SLC22A23: variants seen among roughly 807,000 people sequenced by gnomAD.
SLC22A23 encodes ion transporter protein.
Under a neutral mutation model 61.0 loss-of-function variants are expected in SLC22A23, and 26 were observed. That is an observed-to-expected ratio of 0.43 (90% CI 0.31 to 0.59). The LOEUF is 0.59. SLC22A23 is among the 20% of genes least tolerant of loss of function. The probability of loss-of-function intolerance (pLI) is 0.11; values close to 1 mark genes in which losing one functional copy is unlikely to be tolerated. For missense variants in SLC22A23, 796 were observed against 934.7 expected, an observed-to-expected ratio of 0.85 and a Z score of 1.94; for synonymous variants, 430 against 413.9, an observed-to-expected ratio of 1.04 and a Z score of -0.47.
At chr6:3,444,492 T>C (rs1042232218) in intron 1 of SLC22A23, among the ~76,000 whole-genome samples, 3 of 152,168 alleles carry the variant, frequency 2.0e-5, no homozygotes, top group Non-Finnish European at 4.4e-5. Context: ...CTGAGCCATA[T>C]GTTCACGCAG....
intron 1 of SLC22A23, among the ~76,000 whole-genome samples, chr6:3,418,392 G>C (rs1354486000): frequency 1.3e-5 from 2 of 152,254 alleles, no homozygotes; most frequent in Non-Finnish European, 2.9e-5. Flanking sequence ...TAGGGGACTG[G>C]AGGAAATTGC....
intron 3 of SLC22A23, among the ~76,000 whole-genome samples, chr6:3,375,294 T>C (rs943353734): frequency 6.6e-6 from 1 of 152,190 alleles, no homozygotes; most frequent in Non-Finnish European, 1.5e-5. Flanking sequence ...GCAAACCACC[T>C]CCTGTCAAAT....
chr6:3,410,052 G>T lies in SLC22A23; in HGVS notation c.913+136C>A. The T allele has an allele frequency of 2.0e-5, 19 of 945,834 alleles. 1 individual carries two copies. The South Asian group carries it at 3.3e-4, about 16-fold the overall frequency. The allele number at this position is 945,834 out of a possible 1,614,324, so 58.6% of individuals were successfully genotyped here. On this transcript the variant is annotated intron_variant, in intron 3 of 9. Coordinates refer to ENST00000406686, the MANE Select transcript of SLC22A23 (RefSeq NM_015482.2). This position sits in a 1 kb window ranked among gnomAD's most constrained non-coding sequence, Gnocchi z 5.0. ...CTGAAAAGCCTCTTTCACAACACTT[G>T]AGGCCTTTAATGTTTGTGTTTCCAC...
At chr6:3,294,768 A>G (rs1205908585) in intron 5 of SLC22A23, among the ~76,000 whole-genome samples, 1 of 152,220 alleles carries the variant, frequency 6.6e-6, no homozygotes, top group Non-Finnish European at 1.5e-5. Flanking sequence ...ACACACCCAC[A>G]TATCTAAACT....
At chr6:3,434,613 A>G (rs1480409782) in intron 1 of SLC22A23, among the ~76,000 whole-genome samples, 1 of 112,832 alleles carries the variant, frequency 8.9e-6, no homozygotes, top group East Asian at 2.5e-4. Context: ...CATCTCAAAA[A>G]AAAAAAAATC....
intron 1 of SLC22A23, among the ~76,000 whole-genome samples, chr6:3,437,161 C>T (rs575014054): frequency 4.6e-5 from 7 of 152,184 alleles, no homozygotes; most frequent in African/African-American, 9.6e-5. Context: ...TAGTTATAAA[C>T]GATGAACAAC....
intron 3 of SLC22A23, among the ~76,000 whole-genome samples, chr6:3,354,703 T>C (rs1764968700): frequency 6.6e-6 from 1 of 152,126 alleles, no homozygotes; most frequent in Non-Finnish European, 1.5e-5. Context: ...TTGCTCTAGA[T>C]TTCAATGATC....
chr6:3,320,794 G>A (rs899892024), intron 4 of SLC22A23, among the ~76,000 whole-genome samples: 1 of 152,090 alleles, frequency 6.6e-6, no homozygotes, highest in African/African-American at 2.4e-5. Context: ...ATTACACCCA[G>A]ACTCCTATAT....
chr6:3,404,686 G>A (rs1234536030), intron 3 of SLC22A23, among the ~76,000 whole-genome samples: 1 of 152,160 alleles, frequency 6.6e-6, no homozygotes, highest in African/African-American at 2.4e-5. Flanking sequence ...GGTTGGAACT[G>A]CCTCACCAGA....
At chr6:3,430,243 C>T (rs1302277701) in intron 1 of SLC22A23, among the ~76,000 whole-genome samples, 4 of 152,308 alleles carry the variant, frequency 2.6e-5, no homozygotes, top group Middle Eastern at 3.4e-3. Flanking sequence ...GCCTCTCTAT[C>T]TGACATCTCG....
rs542758224 is a variant in SLC22A23 at position 3,410,096 on chromosome 6, G to C, written c.913+92C>G. 2 of 1,421,660 alleles carry C rather than the reference G, an allele frequency of 1.4e-6. No individual in the cohort carries two copies. Among genetic ancestry groups the C allele is most frequent in the Non-Finnish European group, 1.9e-6 (2 of 1,061,480 alleles). 88.1% of individuals were successfully genotyped at this position (1,421,660 alleles called of 1,614,324 possible). On this transcript the variant is annotated intron_variant, in intron 3 of 9. Transcript: ENST00000406686. This position sits in a 1 kb window ranked among gnomAD's most constrained non-coding sequence, Gnocchi z 5.0. ...TTTCCACAAAACTGCCAGCCCACAC[G>C]AGCAGCATGCACAGTATCTTTCCCA...
intron 9 of SLC22A23, among the ~76,000 whole-genome samples, chr6:3,281,677 A>G (rs912924833): frequency 6.6e-6 from 1 of 152,018 alleles, no homozygotes; most frequent in African/African-American, 2.4e-5. Context: ...AGGGGAGTCT[A>G]CTTCCATCCT....
chr6:3,274,567 G>GC, intron 9 of SLC22A23, among the ~76,000 whole-genome samples: 1 of 152,322 alleles, frequency 6.6e-6, no homozygotes, highest in Middle Eastern at 3.4e-3. Flanking sequence ...CAGGTAGGAG[G>GC]CAGGTAGATA....
rs958286515 is a variant in SLC22A23 at position 3,414,034 on chromosome 6, T to C, written c.758+1718A>G. Reference sequence around the variant, plus strand: ...ACCCAAACTCTTTTGTCCTCAGGCCTGGTGTGTGATCAGGGAGGCCACATC... The same window carrying C: ...ACCCAAACTCTTTTGTCCTCAGGCCCGGTGTGTGATCAGGGAGGCCACATC... On this transcript the variant is annotated intron_variant, in intron 2 of 9. Transcript: ENST00000406686. This position sits in a 1 kb window ranked among gnomAD's most constrained non-coding sequence, Gnocchi z 5.1. 6.6e-6 allele frequency among the ~76,000 whole-genome samples: 1 copy of C among 152,240 alleles called. No homozygotes were observed. The highest frequency in any genetic ancestry group is 2.4e-5 in the African/African-American group (1 of 41,464).
chr6:3,284,065 TCCCAGTGTCCAGCTTGCGGCA>T, intron 8 of SLC22A23, 90 bp from the exon 9 acceptor site: 1 of 1,347,880 alleles, frequency 7.4e-7, no homozygotes, highest in Non-Finnish European at 1.0e-6. Context: ...CACAGCTCCT[TCCCAGTGTCCAGCTTGCGGCA>T]TGGATGGGTA....
At position 3,434,815 on chromosome 6, in the gene SLC22A23, C is replaced by T. The variant is rs879453780; in HGVS notation, c.655-18960G>A. Among the ~76,000 whole-genome samples the T allele has an allele frequency of 6.6e-5, 10 of 152,222 alleles. No homozygotes were observed. In the South Asian group the frequency reaches 1.2e-3, roughly 19 times the overall value. On this transcript the variant is annotated intron_variant, in intron 1 of 9. Coordinates refer to ENST00000406686, the MANE Select transcript of SLC22A23 (RefSeq NM_015482.2). ...ACCTCCAGGAGAGGGGGCATTTGAT[C>T]GTATCCTCCCTTGTGCTTAGGAAAT...
intron 1 of SLC22A23, among the ~76,000 whole-genome samples, chr6:3,418,262 G>A (rs1187325176): frequency 6.6e-6 from 1 of 152,212 alleles, no homozygotes; most frequent in Admixed American, 6.5e-5. Context: ...CATCTGAAAT[G>A]CTTTCATGTC....
rs2127536386 is a variant in SLC22A23, at chr6:3,427,422, AC to A, written c.655-11568del. The stretch of plus-strand genomic sequence containing the variant: ...TTCATTTTAGCCTCACCCCTAACTG[AC>A]CCAAATTAAGGGGTATTTTACTAGT... On this transcript the variant is annotated intron_variant, in intron 1 of 9. Transcript: ENST00000406686. The surrounding 1 kb of genome is among the most constrained non-coding windows in gnomAD (Gnocchi z 4.3). 6.9e-6 allele frequency among the ~76,000 whole-genome samples: 1 copy of A among 145,790 alleles called. No individual in the cohort carries two copies. Among genetic ancestry groups the A allele is most frequent in the African/African-American group, 2.8e-5 (1 of 35,534 alleles).
Position 3,273,087 on chromosome 6 carries a change from C to A in SLC22A23, c.2029G>T (p.Gly677Cys), listed in dbSNP as rs777228566. 74 of 1,586,090 alleles carry A rather than the reference C, an allele frequency of 4.7e-5. No homozygotes were observed. Among genetic ancestry groups the A allele is most frequent in the Non-Finnish European group, 6.3e-5 (73 of 1,167,924 alleles). The change falls in exon 10 of 10, where the codon GGT becomes TGT. Residue 677 changes from glycine to cysteine, a missense_variant. By Grantham distance (159) the Gly-to-Cys change is radical (BLOSUM62 -3). Transcript: ENST00000406686. ...GCCTTCATGCCGTTGGCCGTGGCAC[C>A]CTCGGGCAGTGTGTCACCCGCGGCT... ...AAAAGDTLPEGATANGMKAM is the reference protein window; with the variant it reads ...AAAAGDTLPECATANGMKAM
Sources: gnomAD v4.1 joint callset for allele counts (sites outside exome capture counted in the v4.1 genomes callset) on GRCh38, gnomAD v4.1.1 for gene constraint, Gnocchi (gnomAD v3.1) non-coding constraint, MANE v1.5 for transcripts, NCBI Gene and HGNC (gene_info 2026-07-23, HGNC 2026-07-21) for gene names.